Variants in RIMS4 observed in about 807,000 individuals in gnomAD.
The protein encoded by RIMS4 is regulating synaptic membrane exocytosis protein 4.
Under a neutral mutation model 29.0 loss-of-function variants are expected in RIMS4, and 9 were observed. The ratio of observed to expected loss-of-function variants is 0.31; its 90% confidence interval spans 0.19 to 0.54. RIMS4 has a LOEUF of 0.54. RIMS4 is among the 20% of genes least tolerant of loss of function. The probability of loss-of-function intolerance (pLI) is 0.94; values close to 1 mark genes in which losing one functional copy is unlikely to be tolerated. For missense variants in RIMS4, 193 were observed against 365.7 expected (o/e 0.53, Z 3.85); for synonymous variants, 130 against 152.9 (o/e 0.85, Z 1.10).
At chr20:44,765,857 CG>C (rs2066111342) in intron 2 of RIMS4, among the ~76,000 whole-genome samples, 2 of 152,180 alleles carry the variant, frequency 1.3e-5, no homozygotes, top group South Asian at 4.1e-4. Flanking sequence ...CAGCCTGGAG[CG>C]CTTCTGGGTC....
At chr20:44,758,012 A>G in intron 3 of RIMS4, 60 bp downstream of exon 3, 1 of 1,262,254 alleles carries the variant, frequency 7.9e-7, no homozygotes, top group Non-Finnish European at 1.1e-6. Context: ...AGAGACGCTG[A>G]GCTTCTGGTG....
intron 1 of RIMS4, among the ~76,000 whole-genome samples, chr20:44,801,499 G>C (rs887927901): frequency 3.9e-5 from 6 of 152,100 alleles, no homozygotes; most frequent in Admixed American, 3.9e-4. Context: ...TCCCAGTAGA[G>C]GTTTGTCCTC....
intron 1 of RIMS4, among the ~76,000 whole-genome samples, chr20:44,779,024 G>T (rs2066172352): frequency 6.6e-6 from 1 of 152,146 alleles, no homozygotes; most frequent in Admixed American, 6.5e-5. Context: ...GCACCCCATT[G>T]CTTGCAGAAT....
chr20:44,765,456 G>A (rs891939734), intron 2 of RIMS4, among the ~76,000 whole-genome samples: 3 of 152,136 alleles, frequency 2.0e-5, no homozygotes, highest in South Asian at 2.1e-4. Context: ...TGAGATAAAC[G>A]CCTTAGAACA....
intron 2 of RIMS4, among the ~76,000 whole-genome samples, chr20:44,763,083 T>C (rs1269401608): frequency 6.6e-6 from 1 of 152,240 alleles, no homozygotes; most frequent in Non-Finnish European, 1.5e-5. Flanking sequence ...GCATATGTGC[T>C]ACAACTTTGA....
rs757774430 is a variant in RIMS4, at chr20:44,753,862, C to G, written c.*2272G>C. 2.0e-5 allele frequency: 3 copies of G among 152,654 alleles called. No homozygotes were observed. The highest frequency in any genetic ancestry group is 4.4e-5 in the Non-Finnish European group (3 of 68,088). 9.5% of individuals were successfully genotyped at this position (152,654 alleles called of 1,614,324 possible). A position where few individuals can be genotyped will look rare whatever the true frequency, so the allele number is the denominator to read the frequency against. On this transcript the variant is annotated 3_prime_UTR_variant, in exon 6 of 6. Transcript: ENST00000372851. The stretch of plus-strand genomic sequence containing the variant: ...AAATCATTGAGGGGGCCCTCACTGA[C>G]CACCCCCAGGTGTTGTTATTGCTTC...
chr20:44,801,614 C>G (rs1006613270), intron 1 of RIMS4, among the ~76,000 whole-genome samples: 17 of 152,192 alleles, frequency 1.1e-4, no homozygotes, highest in African/African-American at 4.1e-4. Flanking sequence ...CCTGAATCCT[C>G]AGAATTCCCA....
intron 1 of RIMS4, among the ~76,000 whole-genome samples, chr20:44,804,738 G>A (rs1444099201): frequency 6.6e-6 from 1 of 152,144 alleles, no homozygotes; most frequent in Admixed American, 6.5e-5. Context: ...CATCCTGAAA[G>A]GGAAACAAGG....
rs746212851 is a variant in RIMS4 at position 44,810,191 on chromosome 20, G to T, written c.81C>A (p.Phe27Leu). 2.5e-6 allele frequency: 4 copies of T among 1,590,600 alleles called. No individual in the cohort carries two copies. In the Admixed American group the frequency reaches 6.8e-5, roughly 27 times the overall value. Residue 27 changes from phenylalanine (F) to leucine (L), a missense_variant, in exon 1 of 6, where the codon TTC becomes TTA. By Grantham distance (22) the Phe-to-Leu change is conservative (BLOSUM62 0). Coordinates refer to ENST00000372851, the MANE Select transcript of RIMS4 (RefSeq NM_182970.4). ...CGCGCTTACCTGCGTCCTCGTCGTC[G>T]AAGGAGTTCATGCACGGGAAGTAGA... ...LAIYFPCMNS[F>L]DDEDAGDSRR...
intron 1 of RIMS4, among the ~76,000 whole-genome samples, chr20:44,780,571 A>C (rs962616377): frequency 1.3e-5 from 2 of 152,198 alleles, no homozygotes; most frequent in Non-Finnish European, 2.9e-5. Flanking sequence ...AGCCTATGAG[A>C]GGTGCTCAGC....
rs770773022 is a variant in RIMS4, at chr20:44,810,245, A to G, written c.27T>C (p.Ser9=). 6.5e-7 allele frequency: 1 copy of G among 1,538,796 alleles called. No homozygotes were observed. Residue 9 remains serine, a synonymous_variant, in exon 1 of 6, where the codon AGT becomes AGC. Coordinates refer to ENST00000372851, the MANE Select transcript of RIMS4 (RefSeq NM_182970.4). MERSQSRL[S]LSASFEALAI... is the part of the protein sequence containing the mutation. ...CGAGCGCCTCGAAGGAGGCGGACAG[A>G]CTGAGGCGGCTCTGCGAGCGCTCCA...
At position 44,754,902 on chromosome 20, in the gene RIMS4, A is replaced by C. The variant is rs2066051975; in HGVS notation, c.*1232T>G. 1 of 152,502 alleles carries C rather than the reference A, an allele frequency of 6.6e-6. No homozygotes were observed. The highest frequency in any genetic ancestry group is 2.1e-4 in the South Asian group (1 of 4,818). 9.4% of individuals were successfully genotyped at this position (152,502 alleles called of 1,614,324 possible). A position where few individuals can be genotyped will look rare whatever the true frequency, so the allele number is the denominator to read the frequency against. ...GTGGCAGAAATGTGCTTCTATAAAG[A>C]GGGGCCAGCCTCCATCCTCCCTTGC... On this transcript the variant is annotated 3_prime_UTR_variant, in exon 6 of 6. Coordinates refer to ENST00000372851, the MANE Select transcript of RIMS4 (RefSeq NM_182970.4).
intron 1 of RIMS4, among the ~76,000 whole-genome samples, chr20:44,771,898 C>A (rs2066139157): frequency 6.6e-6 from 1 of 152,014 alleles, no homozygotes. Flanking sequence ...CTAATAGCAA[C>A]CCTCACCCCA....
Position 44,756,826 on chromosome 20 carries a change from CT to C in RIMS4, c.591+71del. On this transcript the variant is annotated intron_variant, in intron 5 of 5. Coordinates refer to ENST00000372851, the MANE Select transcript of RIMS4 (RefSeq NM_182970.4). The surrounding 1 kb of genome is among the most constrained non-coding windows in gnomAD (Gnocchi z 5.9). ...AGAGACACCCCCCGCCAGGGGTGCC[CT>C]CCTCTCATTCTGGTACTGTGCATGT... 6.8e-7 allele frequency: 1 copy of C among 1,467,422 alleles called. No homozygotes were observed. The highest frequency in any genetic ancestry group is 2.3e-5 in the East Asian group (1 of 42,568). The allele number at this position is 1,467,422 out of a possible 1,614,324, so 90.9% of individuals were successfully genotyped here.
At chr20:44,805,896 C>A (rs1424914590) in intron 1 of RIMS4, among the ~76,000 whole-genome samples, 1 of 152,152 alleles carries the variant, frequency 6.6e-6, no homozygotes, top group Non-Finnish European at 1.5e-5. Context: ...CGCCTCATCA[C>A]CCAGAAGTAC....
At chr20:44,767,793 A>G (rs2066120198) in intron 2 of RIMS4, among the ~76,000 whole-genome samples, 1 of 152,252 alleles carries the variant, frequency 6.6e-6, no homozygotes, top group Non-Finnish European at 1.5e-5. Context: ...GTAAAAGCCC[A>G]GCACAGTGTC....
At chr20:44,757,088 G>A in intron 4 of RIMS4, 51 bp from the exon 5 acceptor site, 1 of 1,592,032 alleles carries the variant, frequency 6.3e-7, no homozygotes, top group South Asian at 1.1e-5. Flanking sequence ...CTCAAATGGT[G>A]GGCAAAGGGT....
chr20:44,762,225 G>A (rs776960457), intron 2 of RIMS4, among the ~76,000 whole-genome samples: 3 of 152,296 alleles, frequency 2.0e-5, no homozygotes, highest in Non-Finnish European at 4.4e-5. Flanking sequence ...ACGCTCGCTC[G>A]CCCACCGCTC....
chr20:44,771,930 G>C (rs955416937), intron 1 of RIMS4, among the ~76,000 whole-genome samples: 1 of 152,118 alleles, frequency 6.6e-6, no homozygotes, highest in Admixed American at 6.6e-5. Context: ...TCCAGTTGCA[G>C]CAATAAAAAA....
Sources: gnomAD v4.1 joint callset for allele counts (sites outside exome capture counted in the v4.1 genomes callset) on GRCh38, gnomAD v4.1.1 for gene constraint, Gnocchi (gnomAD v3.1) non-coding constraint, MANE v1.5 for transcripts, NCBI Gene and HGNC (gene_info 2026-07-23, HGNC 2026-07-21) for gene names.